Variants in DARS2 observed in about 807,000 individuals in gnomAD.
The protein encoded by DARS2 is aspartate--tRNA ligase, mitochondrial.
In DARS2, 63 loss-of-function variants were observed where a neutral mutation model predicts 83.0. That is an observed-to-expected ratio of 0.76 (90% CI 0.62 to 0.94). DARS2 has a LOEUF of 0.94. Ranked by LOEUF, DARS2 falls within the 40% of genes least tolerant of loss-of-function variation. The pLI is 0.00. For synonymous variants in DARS2, 250 were observed against 269.3 expected, an observed-to-expected ratio of 0.93 and a Z score of 0.70; for missense variants, 675 against 774.4, an observed-to-expected ratio of 0.87 and a Z score of 1.52.
intron 15 of DARS2, 82 bp downstream of exon 15, chr1:173,853,987 GTTTGT>G: frequency 7.9e-7 from 1 of 1,261,264 alleles, no homozygotes; most frequent in South Asian, 1.2e-5. Flanking sequence ...TTGTTTGCTT[GTTTGT>G]TTTGTTTTTG....
At chr1:173,837,901 G>A (rs190302879) in intron 8 of DARS2, among the ~76,000 whole-genome samples, 3 of 152,118 alleles carry the variant, frequency 2.0e-5, no homozygotes, top group East Asian at 1.9e-4. Context: ...TGCCTCCCGA[G>A]TAGCTGGGAT....
chr1:173,836,815 A>C lies in DARS2; in HGVS notation c.664-125A>C, dbSNP rs1470542341. On this transcript the variant is annotated intron_variant, in intron 7 of 16. Coordinates refer to ENST00000649689, the MANE Select transcript of DARS2 (RefSeq NM_018122.5). The stretch of plus-strand genomic sequence containing the variant: ...AGCAGGAAATTGTCTCTGTCATTGT[A>C]GGAACTTTGTTCTTTAGTCATTCAT... 4 of 807,616 alleles carry C rather than the reference A, an allele frequency of 5.0e-6. No individual in the cohort carries two copies. In the Admixed American group the frequency reaches 7.6e-5, roughly 15 times the overall value. The allele number at this position is 807,616 out of a possible 1,614,324, so 50.0% of individuals were successfully genotyped here.
At chr1:173,853,258 A>G in intron 13 of DARS2, 91 bp from the exon 14 acceptor site, 1 of 1,255,928 alleles carries the variant, frequency 8.0e-7, no homozygotes, top group South Asian at 1.2e-5. Flanking sequence ...ATCCTTTCCT[A>G]GAGAATGGCC....
intron 13 of DARS2, 50 bp from the exon 14 acceptor site, chr1:173,853,299 T>C (rs564545073): frequency 6.3e-7 from 1 of 1,577,922 alleles, no homozygotes; most frequent in South Asian, 1.1e-5. Flanking sequence ...TGTCATTTCC[T>C]GCCTGCTCTG....
chr1:173,844,172 T>C (rs942969191), intron 11 of DARS2, among the ~76,000 whole-genome samples: 1 of 152,222 alleles, frequency 6.6e-6, no homozygotes, highest in Non-Finnish European at 1.5e-5. Flanking sequence ...TTATGTAACA[T>C]GATAACCATA....
intron 13 of DARS2, 135 bp from the exon 14 acceptor site, chr1:173,853,214 A>C: frequency 5.9e-6 from 5 of 840,922 alleles, no homozygotes; most frequent in Non-Finnish European, 1.0e-5. Flanking sequence ...TTGTGTCCTG[A>C]GAAGCAAAGG....
At chr1:173,831,237 G>A (rs959593204) in intron 4 of DARS2, among the ~76,000 whole-genome samples, 5 of 147,994 alleles carry the variant, frequency 3.4e-5, no homozygotes, top group African/African-American at 1.0e-4. Flanking sequence ...TTTTCAGGAC[G>A]GGTCTTGCAG....
intron 7 of DARS2, 113 bp downstream of exon 7, chr1:173,834,632 A>G (rs1238521847): frequency 3.0e-6 from 2 of 673,816 alleles, no homozygotes; most frequent in Non-Finnish European, 5.2e-6. Context: ...CAGGATGGTC[A>G]TATTAACTAG....
intron 11 of DARS2, 81 bp from the exon 12 acceptor site, chr1:173,845,148 T>C (rs1653385432): frequency 3.4e-6 from 3 of 885,934 alleles, no homozygotes; most frequent in African/African-American, 1.6e-5. Context: ...ACACAAAATA[T>C]ATTTGTCATT....
At chr1:173,838,098 G>A (rs528959474) in intron 8 of DARS2, 92 bp from the exon 9 acceptor site, 4 of 1,032,626 alleles carry the variant, frequency 3.9e-6, no homozygotes, top group East Asian at 4.9e-5. Flanking sequence ...AAGTATCATT[G>A]TTTTATAGCT....
chr1:173,857,377 T>C, intron 16 of DARS2, 141 bp from the exon 17 acceptor site: 2 of 810,816 alleles, frequency 2.5e-6, no homozygotes, highest in East Asian at 5.3e-5. Context: ...AAAAGTTCTC[T>C]AAAAAGGTAG....
chr1:173,838,098 G>C (rs528959474), intron 8 of DARS2, 92 bp from the exon 9 acceptor site: 2 of 1,032,744 alleles, frequency 1.9e-6, no homozygotes, highest in Non-Finnish European at 3.0e-6. Flanking sequence ...AAGTATCATT[G>C]TTTTATAGCT....
chr1:173,840,797 G>C, intron 10 of DARS2, 69 bp from the exon 11 acceptor site: 1 of 863,968 alleles, frequency 1.2e-6, no homozygotes, highest in South Asian at 1.4e-5. Flanking sequence ...TTAAAATCTT[G>C]TTTGTAAAAT....
chr1:173,840,643 C>G (rs946497848), intron 10 of DARS2, among the ~76,000 whole-genome samples: 1 of 152,112 alleles, frequency 6.6e-6, no homozygotes, highest in Non-Finnish European at 1.5e-5. Context: ...TTGGTTTCAT[C>G]TATGAAATAG....
chr1:173,844,815 A>G (rs1393284867), intron 11 of DARS2, among the ~76,000 whole-genome samples: 2 of 70,558 alleles, frequency 2.8e-5, no homozygotes, highest in Non-Finnish European at 5.2e-5. Context: ...TTTTTTTGAG[A>G]CAGAATCTCA....
At chr1:173,849,062 A>C (rs1188008752) in intron 12 of DARS2, among the ~76,000 whole-genome samples, 1 of 150,892 alleles carries the variant, frequency 6.6e-6, no homozygotes, top group Non-Finnish European at 1.5e-5. Flanking sequence ...TTATTCATAA[A>C]ATATATTTTT....
chr1:173,852,182 A>C, intron 13 of DARS2: 1 of 985,444 alleles, frequency 1.0e-6, no homozygotes, highest in Non-Finnish European at 1.2e-6. Flanking sequence ...ATGGGCTGCA[A>C]AATAATACCC....
chr1:173,834,732 G>GTT, intron 7 of DARS2, among the ~76,000 whole-genome samples: 41 of 21,690 alleles, frequency 1.9e-3, no homozygotes, highest in African/African-American at 5.9e-3. Context: ...GAGTTTTTTT[G>GTT]TTTTTTTTTT....
At chr1:173,829,392 C>T (rs561388407) in intron 3 of DARS2, among the ~76,000 whole-genome samples, 3 of 151,790 alleles carry the variant, frequency 2.0e-5, no homozygotes, top group Non-Finnish European at 4.4e-5. Flanking sequence ...AGCCATGTGA[C>T]GGTATTACTG....
Sources: gnomAD v4.1 joint callset for allele counts (sites outside exome capture counted in the v4.1 genomes callset) on GRCh38, gnomAD v4.1.1 for gene constraint, MANE v1.5 for transcripts, NCBI Gene and HGNC (gene_info 2026-07-23, HGNC 2026-07-21) for gene names.